TTC29: variants seen among roughly 807,000 people sequenced by gnomAD.
The protein encoded by TTC29 is tetratricopeptide repeat protein 29.
A neutral mutation model predicts 58.1 loss-of-function variants in TTC29; 49 were observed. That is an observed-to-expected ratio of 0.84 (90% CI 0.67 to 1.07). The LOEUF is 1.07. Ranked by LOEUF, TTC29 falls within the 50% of genes least tolerant of loss-of-function variation. TTC29 has a pLI of 0.00. For synonymous variants in TTC29, 209 were observed against 196.8 expected (o/e 1.06, Z -0.52); for missense variants, 582 against 555.6 (o/e 1.05, Z -0.48).
intron 8 of TTC29, among the ~76,000 whole-genome samples, chr4:146,866,298 T>C (rs1241381182): frequency 6.6e-6 from 1 of 151,852 alleles, no homozygotes; most frequent in Non-Finnish European, 1.5e-5. Context: ...CCTAAGTCCT[T>C]GCTTCCCAAC....
chr4:146,843,388 C>A (rs370888672), intron 8 of TTC29, among the ~76,000 whole-genome samples: 9 of 152,224 alleles, frequency 5.9e-5, no homozygotes, highest in African/African-American at 2.2e-4. Context: ...ATAGTCTGGC[C>A]TTATAATTAT....
At chr4:146,772,600 G>A (rs531530874) in intron 11 of TTC29, among the ~76,000 whole-genome samples, 1 of 152,124 alleles carries the variant, frequency 6.6e-6, no homozygotes, top group Non-Finnish European at 1.5e-5. Context: ...TTTTGTACCA[G>A]TACCATGTGA....
intron 6 of TTC29, among the ~76,000 whole-genome samples, chr4:146,897,749 GCTGCTTACCAAGTTAC>G (rs1234084467): frequency 6.6e-6 from 1 of 152,224 alleles, no homozygotes; most frequent in Non-Finnish European, 1.5e-5. Context: ...TGCTGTGAGT[GCTGCTTACCAAGTTAC>G]CTTGCTAGCA....
intron 6 of TTC29, among the ~76,000 whole-genome samples, chr4:146,899,181 G>A (rs1037546360): frequency 3.9e-5 from 6 of 152,174 alleles, no homozygotes; most frequent in South Asian, 2.1e-4. Context: ...TGCTGACCTG[G>A]CAGGATAGGA....
intron 11 of TTC29, among the ~76,000 whole-genome samples, chr4:146,738,199 T>C (rs931647752): frequency 1.3e-5 from 2 of 151,970 alleles, no homozygotes; most frequent in African/African-American, 4.8e-5. Flanking sequence ...AAAGTAGGGG[T>C]AAAAATAAAT....
intron 11 of TTC29, among the ~76,000 whole-genome samples, chr4:146,707,986 C>T (rs1238535766): frequency 2.6e-5 from 4 of 151,938 alleles, no homozygotes; most frequent in South Asian, 2.1e-4. Flanking sequence ...GGAATGGCCA[C>T]GTATAGATGT....
intron 11 of TTC29, among the ~76,000 whole-genome samples, chr4:146,767,249 G>A (rs978268488): frequency 6.6e-6 from 1 of 151,806 alleles, no homozygotes; most frequent in African/African-American, 2.4e-5. Flanking sequence ...TCTTCTGCCT[G>A]GTTCACTGGG....
intron 9 of TTC29, among the ~76,000 whole-genome samples, chr4:146,828,183 T>C (rs1047779683): frequency 3.3e-5 from 5 of 152,156 alleles, no homozygotes; most frequent in African/African-American, 9.7e-5. Context: ...TCATGAATTA[T>C]TGGAGGAAAT....
chr4:146,817,890 C>T (rs1418689157), intron 10 of TTC29, among the ~76,000 whole-genome samples: 2 of 152,158 alleles, frequency 1.3e-5, no homozygotes, highest in Non-Finnish European at 2.9e-5. Context: ...ATGTAGAAAG[C>T]TGAAACTGGA....
chr4:146,787,262 T>A (rs1177704498), intron 11 of TTC29, among the ~76,000 whole-genome samples: 2 of 152,210 alleles, frequency 1.3e-5, no homozygotes, highest in Admixed American at 6.5e-5. Flanking sequence ...ATTTGGGTTG[T>A]TAAGAGAAAT....
chr4:146,794,842 G>A (rs376838873), intron 11 of TTC29, among the ~76,000 whole-genome samples: 7 of 152,144 alleles, frequency 4.6e-5, no homozygotes, highest in Admixed American at 3.3e-4. Context: ...GGATGTGCAG[G>A]TGTGTTACAT....
At chr4:146,725,381 A>G (rs1224045105) in intron 11 of TTC29, among the ~76,000 whole-genome samples, 1 of 152,072 alleles carries the variant, frequency 6.6e-6, no homozygotes, top group Non-Finnish European at 1.5e-5. Context: ...AAAAAATTTT[A>G]AAAAATTAGC....
chr4:146,837,567 G>C (rs1419325426), intron 8 of TTC29, among the ~76,000 whole-genome samples: 3 of 151,978 alleles, frequency 2.0e-5, no homozygotes, highest in Non-Finnish European at 4.4e-5. Flanking sequence ...AAGCAGGTAA[G>C]GTATAACCTA....
intron 11 of TTC29, among the ~76,000 whole-genome samples, chr4:146,754,298 C>T (rs113180759): frequency 1.3e-5 from 2 of 151,668 alleles, no homozygotes; most frequent in Admixed American, 1.3e-4. Flanking sequence ...AACTAGAAAG[C>T]CTGAACAGAG....
intron 4 of TTC29, among the ~76,000 whole-genome samples, chr4:146,923,771 T>C (rs2150308198): frequency 6.6e-6 from 1 of 151,962 alleles, no homozygotes; most frequent in Non-Finnish European, 1.5e-5. Context: ...TCCCCAACTC[T>C]TGACAAGATA....
At chr4:146,886,717 G>A (rs1219649763) in intron 6 of TTC29, among the ~76,000 whole-genome samples, 4 of 151,984 alleles carry the variant, frequency 2.6e-5, no homozygotes, top group Non-Finnish European at 5.9e-5. Flanking sequence ...AATAAGACAA[G>A]AACAAAAAAC....
chr4:146,849,521 T>C (rs1382588185), intron 8 of TTC29, among the ~76,000 whole-genome samples: 1 of 152,206 alleles, frequency 6.6e-6, no homozygotes, highest in Non-Finnish European at 1.5e-5. Flanking sequence ...ATGTTTTAGA[T>C]GTCAACCTCA....
chr4:146,875,387 G>A (rs1428976401), intron 6 of TTC29, among the ~76,000 whole-genome samples: 1 of 152,144 alleles, frequency 6.6e-6, no homozygotes, highest in Non-Finnish European at 1.5e-5. Flanking sequence ...TAAGAATTTT[G>A]CTCAAGATGG....
intron 6 of TTC29, among the ~76,000 whole-genome samples, chr4:146,889,305 C>G (rs920341546): frequency 3.3e-5 from 5 of 152,040 alleles, no homozygotes; most frequent in Admixed American, 2.6e-4. Context: ...AAAAACCTAA[C>G]CCTTTCAATA....
Sources: allele counts gnomAD v4.1 joint callset (sites outside exome capture counted in the v4.1 genomes callset), GRCh38; gene constraint gnomAD v4.1.1; transcripts MANE v1.5; gene names NCBI Gene and HGNC (gene_info 2026-07-23, HGNC 2026-07-21).